Variants in EXOC4 observed in about 807,000 individuals in gnomAD.
The protein encoded by EXOC4 is exocyst complex component 4.
EXOC4 carries 71 observed loss-of-function variants against 107.2 expected under a neutral mutation model. The observed-to-expected ratio is 0.66, with a 90% confidence interval of 0.55 to 0.81. EXOC4 has a LOEUF of 0.81. EXOC4 is among the 30% of genes least tolerant of loss of function. The pLI is 0.00. For missense variants in EXOC4, 1,108 were observed against 1,189.6 expected, an observed-to-expected ratio of 0.93 and a Z score of 1.01; for synonymous variants, 456 against 441.2, an observed-to-expected ratio of 1.03 and a Z score of -0.42.
At chr7:134,012,948 G>T (rs533429863) in intron 17 of EXOC4, among the ~76,000 whole-genome samples, 1 of 152,176 alleles carries the variant, frequency 6.6e-6, no homozygotes, top group Admixed American at 6.5e-5. Flanking sequence ...GGTTAAATTA[G>T]CTCAAGACAG....
At chr7:133,859,879 T>C (rs924114061) in intron 11 of EXOC4, among the ~76,000 whole-genome samples, 1 of 152,186 alleles carries the variant, frequency 6.6e-6, no homozygotes, top group African/African-American at 2.4e-5. Flanking sequence ...TCGATGTTGC[T>C]ATTGTTTGGT....
At chr7:133,491,698 G>A (rs1007750724) in intron 9 of EXOC4, among the ~76,000 whole-genome samples, 31 of 152,168 alleles carry the variant, frequency 2.0e-4, no homozygotes, top group African/African-American at 7.5e-4. Context: ...TAGAAGATAA[G>A]ACATGCAAAC....
intron 4 of EXOC4, among the ~76,000 whole-genome samples, chr7:133,310,347 A>G (rs1363680258): frequency 2.0e-5 from 3 of 152,148 alleles, no homozygotes; most frequent in Non-Finnish European, 4.4e-5. Flanking sequence ...GCACTTGGAA[A>G]CTGTGACTTT....
chr7:133,993,003 A>G (rs1774138793), intron 14 of EXOC4, among the ~76,000 whole-genome samples: 1 of 151,982 alleles, frequency 6.6e-6, no homozygotes, highest in Non-Finnish European at 1.5e-5. Context: ...ATCTGTTGAA[A>G]TGATCATATG....
intron 7 of EXOC4, among the ~76,000 whole-genome samples, chr7:133,400,749 T>C (rs1167420319): frequency 1.3e-5 from 2 of 152,194 alleles, no homozygotes; most frequent in East Asian, 3.8e-4. Flanking sequence ...TATCACCCCT[T>C]TGAGGGGCTC....
rs1798750668 is a variant in EXOC4 at position 133,467,203 on chromosome 7, T to G, written c.1183-8125T>G. Among the ~76,000 whole-genome samples the G allele has an allele frequency of 2.7e-5, 4 of 146,330 alleles. No homozygotes were observed. The Admixed American group carries it at 2.8e-4, about 10-fold the overall frequency. ...TTAAAATCCCTCAAATGAGCAATCT[T>G]TTAGCCATTGCTTTTATTTCTCCTT... is the stretch of plus-strand genomic sequence containing the variant. On this transcript the variant is annotated intron_variant, in intron 7 of 17. Coordinates refer to ENST00000253861, the MANE Select transcript of EXOC4 (RefSeq NM_021807.4).
At chr7:133,792,292 C>T (rs929124364) in intron 10 of EXOC4, among the ~76,000 whole-genome samples, 2 of 152,100 alleles carry the variant, frequency 1.3e-5, no homozygotes, top group Non-Finnish European at 2.9e-5. Flanking sequence ...ATGGCTCACA[C>T]CTGTAATCTC....
intron 11 of EXOC4, among the ~76,000 whole-genome samples, chr7:133,872,702 AC>A (rs1266640045): frequency 1.3e-5 from 2 of 152,226 alleles, no homozygotes; most frequent in African/African-American, 4.8e-5. Context: ...TTACATGGGA[AC>A]TGTGGTAATT....
chr7:133,439,335 C>G (rs1798054011), intron 7 of EXOC4, among the ~76,000 whole-genome samples: 1 of 151,882 alleles, frequency 6.6e-6, no homozygotes, highest in Non-Finnish European at 1.5e-5. Context: ...CAGGCCCCCG[C>G]CACCACGCCC....
At chr7:133,653,759 A>G (rs1032787612) in intron 10 of EXOC4, among the ~76,000 whole-genome samples, 1 of 152,136 alleles carries the variant, frequency 6.6e-6, no homozygotes, top group Admixed American at 6.6e-5. Context: ...CAACTTTCCT[A>G]TTTCTGAACT....
chr7:133,350,987 C>T (rs1200782061), intron 5 of EXOC4, among the ~76,000 whole-genome samples: 3 of 151,658 alleles, frequency 2.0e-5, no homozygotes, highest in African/African-American at 7.3e-5. Flanking sequence ...CCTGATTATT[C>T]TTTTTAATGT....
At chr7:133,948,412 G>T (rs1195752511) in intron 14 of EXOC4, among the ~76,000 whole-genome samples, 1 of 152,206 alleles carries the variant, frequency 6.6e-6, no homozygotes, top group African/African-American at 2.4e-5. Flanking sequence ...AGAAGATGGA[G>T]GGCTGGCTGA....
chr7:133,863,800 G>T (rs1477741695), intron 11 of EXOC4, among the ~76,000 whole-genome samples: 18 of 152,140 alleles, frequency 1.2e-4, no homozygotes, highest in Non-Finnish European at 2.5e-4. Flanking sequence ...TTCCTGCTTT[G>T]CAGCTCTGCA....
chr7:133,569,012 G>A (rs1800964250), intron 9 of EXOC4, among the ~76,000 whole-genome samples: 3 of 152,058 alleles, frequency 2.0e-5, no homozygotes, highest in Admixed American at 2.0e-4. Context: ...AAATAAGTAA[G>A]CAAATAAATA....
intron 10 of EXOC4, among the ~76,000 whole-genome samples, chr7:133,636,657 A>T (rs1802719530): frequency 6.6e-6 from 1 of 152,232 alleles, no homozygotes; most frequent in African/African-American, 2.4e-5. Context: ...AGTGTTACTG[A>T]TGCTGGTTCT....
chr7:133,702,949 C>T (rs1794697335), intron 10 of EXOC4, among the ~76,000 whole-genome samples: 1 of 152,140 alleles, frequency 6.6e-6, no homozygotes, highest in Non-Finnish European at 1.5e-5. Context: ...TGATTCAGAA[C>T]CATTTTGGTT....
chr7:133,841,650 C>T (rs1309176363), intron 11 of EXOC4, among the ~76,000 whole-genome samples: 4 of 152,142 alleles, frequency 2.6e-5, no homozygotes, highest in Admixed American at 2.6e-4. Context: ...GTATTTATTT[C>T]CAGAAAGTTC....
At chr7:133,401,670 A>C (rs1278527859) in intron 7 of EXOC4, among the ~76,000 whole-genome samples, 1 of 151,584 alleles carries the variant, frequency 6.6e-6, no homozygotes, top group Non-Finnish European at 1.5e-5. Flanking sequence ...AAAAAGAAAA[A>C]AAAGATAAAT....
intron 11 of EXOC4, among the ~76,000 whole-genome samples, chr7:133,867,254 A>G (rs998390741): frequency 2.6e-5 from 4 of 152,232 alleles, no homozygotes; most frequent in Non-Finnish European, 5.9e-5. Context: ...GCAAAATGGC[A>G]GTAATAGTAC....
Sources: allele counts gnomAD v4.1 joint callset (sites outside exome capture counted in the v4.1 genomes callset), GRCh38; gene constraint gnomAD v4.1.1; transcripts MANE v1.5; gene names NCBI Gene and HGNC (gene_info 2026-07-23, HGNC 2026-07-21).